GRM2: variants seen among roughly 807,000 people sequenced by gnomAD.
The protein encoded by GRM2 is glutamate metabotropic receptor 2.
Under a neutral mutation model 60.4 loss-of-function variants are expected in GRM2, and 35 were observed. That is an observed-to-expected ratio of 0.58 (90% CI 0.44 to 0.77). The LOEUF (loss-of-function observed/expected upper bound fraction) is 0.77, where lower values mean the gene tolerates loss of function less well. Among genes scored for constraint, GRM2 ranks in the 30% least tolerant of loss-of-function variants. The pLI is 0.00. For synonymous variants in GRM2, 437 were observed against 484.1 expected, an observed-to-expected ratio of 0.90 and a Z score of 1.28; for missense variants, 925 against 1,199.5, an observed-to-expected ratio of 0.77 and a Z score of 3.38.
rs116325110 is a variant in GRM2 at position 51,712,006 on chromosome 3, C to T, written c.451-467C>T. ...ACCGGACCCTGGGATCTGTGTCTTT[C>T]TTCCTAGGGGAAACTTTTCCTTCTT... is the stretch of plus-strand genomic sequence containing the variant. On this transcript the variant is annotated intron_variant, in intron 2 of 5. Transcript: ENST00000395052. This position sits in a 1 kb window ranked among gnomAD's most constrained non-coding sequence, Gnocchi z 5.3. Among the ~76,000 whole-genome samples the T allele has an allele frequency of 8.6e-4, 131 of 152,330 alleles. No individual in the cohort carries two copies. The highest frequency in any genetic ancestry group is 3.0e-3 in the African/African-American group (123 of 41,570).
Position 51,707,080 on chromosome 3 carries a change from A to C in GRM2, c.-224A>C, listed in dbSNP as rs1346869578. 9 of 152,482 alleles carry C rather than the reference A, an allele frequency of 5.9e-5. No individual in the cohort carries two copies. 9.4% of individuals were successfully genotyped at this position (152,482 alleles called of 1,614,324 possible). A position where few individuals can be genotyped will look rare whatever the true frequency, so the allele number is the denominator to read the frequency against. ...GCGGGCGGGCGGAGAGCGCAGAGCC[A>C]GCGAGCCAGCGAGCGAGCGAGCGGG... On this transcript the variant is annotated 5_prime_UTR_variant, in exon 1 of 6. Coordinates refer to ENST00000395052, the MANE Select transcript of GRM2 (RefSeq NM_000839.5).
chr3:51,714,780 G>GT, intron 3 of GRM2: 4 of 346,280 alleles, frequency 1.2e-5, no homozygotes. Context: ...GGGGATTGAT[G>GT]TGGGCATTAG....
rs1251502684 is a variant in GRM2, at chr3:51,715,072, C to T, written c.1299C>T (p.Arg433=). The T allele has an allele frequency of 6.5e-7, 1 of 1,550,034 alleles. No homozygotes were observed. Among genetic ancestry groups the T allele is most frequent in the Non-Finnish European group, 8.7e-7 (1 of 1,143,588 alleles). ...CCTCCCCCATCCTAGCCCCCTTTCG[C>T]CCAGCTGACACCCACAATGAGGTCC... is the stretch of plus-strand genomic sequence containing the variant. ...VLNVKFDAPF[R]PADTHNEVRF... Residue 433 remains arginine, a synonymous_variant, in exon 4 of 6, where the codon CGC becomes CGT. Coordinates refer to ENST00000395052, the MANE Select transcript of GRM2 (RefSeq NM_000839.5). This position sits in a 1 kb window ranked among gnomAD's most constrained non-coding sequence, Gnocchi z 9.0.
chr3:51,717,650 C>T lies in GRM2; in HGVS notation c.2378C>T (p.Thr793Ile), dbSNP rs1198164157. 6.2e-6 allele frequency: 10 copies of T among 1,613,350 alleles called. No homozygotes were observed. The Admixed American group carries it at 1.2e-4, about 19-fold the overall frequency. ...CACCCACCGCAGGTACAGACCACCA[C>T]CATGTGCGTGTCAGTCAGCCTCAGC... ...TSSDYRVQTT[T>I]MCVSVSLSGS... Residue 793 changes from threonine (T) to isoleucine (I), a missense_variant, in exon 5 of 6, where the codon ACC becomes ATC. Coordinates refer to ENST00000395052, the MANE Select transcript of GRM2 (RefSeq NM_000839.5). This position sits in a 1 kb window ranked among gnomAD's most constrained non-coding sequence, Gnocchi z 6.0.
rs1238436104 is a variant in GRM2 at position 51,715,731 on chromosome 3, A to C, written c.1958A>C (p.Lys653Thr). The C allele has an allele frequency of 6.2e-7, 1 of 1,614,146 alleles. No individual in the cohort carries two copies. The highest frequency in any genetic ancestry group is 1.7e-5 in the Admixed American group (1 of 60,030). ...GTCTGCTACTCAGCCCTGCTCACCA[A>C]GACCAACCGCATTGCACGCATCTTC... is the stretch of plus-strand genomic sequence containing the variant. ...FSVCYSALLT[K>T]TNRIARIFGG... Residue 653 changes from lysine (K) to threonine (T), a missense_variant, in exon 4 of 6, where the codon AAG becomes ACG. Transcript: ENST00000395052. This position sits in a 1 kb window ranked among gnomAD's most constrained non-coding sequence, Gnocchi z 9.0.
rs775595117 is a variant in GRM2 at position 51,709,215 on chromosome 3, C to T, written c.232C>T (p.Leu78=). Residue 78 remains leucine, a synonymous_variant, in exon 2 of 6, where the codon CTG becomes TTG. Transcript: ENST00000395052. The part of the protein sequence containing the change: ...ALDRINRDPH[L]LPGVRLGAHI... Reference sequence around the variant, plus strand: ...GGACCGCATCAACCGTGACCCGCACCTGCTGCCTGGCGTGCGCCTGGGTGC... The same window carrying T: ...GGACCGCATCAACCGTGACCCGCACTTGCTGCCTGGCGTGCGCCTGGGTGC... 5.6e-6 allele frequency: 9 copies of T among 1,609,950 alleles called. No homozygotes were observed. The highest frequency in any genetic ancestry group is 7.6e-6 in the Non-Finnish European group (9 of 1,177,916).
chr3:51,712,169 C>T lies in GRM2; in HGVS notation c.451-304C>T, dbSNP rs1703732634. Among the ~76,000 whole-genome samples the T allele has an allele frequency of 6.6e-6, 1 of 152,184 alleles. No homozygotes were observed. ...GTGTAGCCAGGTGCCAACCTCCCTC[C>T]ACCCAGGCCTTCCTTGGCCCCCCTG... On this transcript the variant is annotated intron_variant, in intron 2 of 5. Transcript: ENST00000395052. The surrounding 1 kb of genome is among the most constrained non-coding windows in gnomAD (Gnocchi z 5.3).
rs1416042891 is a variant in GRM2 at position 51,717,939 on chromosome 3, A to AGAGGG, written c.2546-90_2546-86dup. On this transcript the variant is annotated intron_variant, in intron 5 of 5. Transcript: ENST00000395052. This position sits in a 1 kb window ranked among gnomAD's most constrained non-coding sequence, Gnocchi z 6.0. ...AATGACACTGGCAGGAGAGGACAGG[A>AGAGGG]GAGGGGAGGGGAGGCTTCCCTCACA... 6.3e-6 allele frequency: 9 copies of AGAGGG among 1,430,996 alleles called. No individual in the cohort carries two copies. The African/African-American group carries it at 9.8e-5, about 16-fold the overall frequency. 88.6% of individuals were successfully genotyped at this position (1,430,996 alleles called of 1,614,324 possible). A position where few individuals can be genotyped will look rare whatever the true frequency, so the allele number is the denominator to read the frequency against.
In GRM2 at chr3:51,717,681, C is replaced by T. The variant is rs971074087; in HGVS notation, c.2409C>T (p.Ser803=). The change falls in exon 5 of 6, where the codon TCC becomes TCT. Residue 803 remains serine (S), a synonymous_variant. Coordinates refer to ENST00000395052, the MANE Select transcript of GRM2 (RefSeq NM_000839.5). The surrounding 1 kb of genome is among the most constrained non-coding windows in gnomAD (Gnocchi z 6.0). Reference sequence around the variant, plus strand: ...GCGTGTCAGTCAGCCTCAGCGGCTCCGTGGTGCTTGGCTGCCTCTTTGCGC... The same window carrying T: ...GCGTGTCAGTCAGCCTCAGCGGCTCTGTGGTGCTTGGCTGCCTCTTTGCGC... The part of the protein sequence containing the change: ...TMCVSVSLSG[S]VVLGCLFAPK... 5.6e-6 allele frequency: 9 copies of T among 1,613,982 alleles called. No individual in the cohort carries two copies. Among genetic ancestry groups the T allele is most frequent in the South Asian group, 5.5e-5 (5 of 91,068 alleles).
Position 51,709,227 on chromosome 3 carries a change from G to A in GRM2, c.244G>A (p.Val82Met), listed in dbSNP as rs1489834872. The change falls in exon 2 of 6, where the codon GTG becomes ATG. Residue 82 changes from valine (V) to methionine (M), a missense_variant. Coordinates refer to ENST00000395052, the MANE Select transcript of GRM2 (RefSeq NM_000839.5). ...INRDPHLLPGVRLGAHILDSC... is the reference protein window; with the variant it reads ...INRDPHLLPGMRLGAHILDSC... ...CCGTGACCCGCACCTGCTGCCTGGC[G>A]TGCGCCTGGGTGCACACATCCTCGA... is the stretch of plus-strand genomic sequence containing the variant. The A allele has an allele frequency of 3.7e-6, 6 of 1,607,992 alleles. No individual in the cohort carries two copies. The East Asian group carries it at 8.9e-5, about 24-fold the overall frequency.
Position 51,718,418 on chromosome 3 carries a change from C to G in GRM2, c.*306C>G. On this transcript the variant is annotated 3_prime_UTR_variant, in exon 6 of 6. Transcript: ENST00000395052. The surrounding 1 kb of genome is among the most constrained non-coding windows in gnomAD (Gnocchi z 4.2). ...CCTGGACCCGGGTGGCTGAGGACGG[C>G]AGGCCCCAGTCCTAACCAGCAAAGG... 2.5e-6 allele frequency: 1 copy of G among 407,990 alleles called. No individual in the cohort carries two copies. Among genetic ancestry groups the G allele is most frequent in the South Asian group, 2.7e-5 (1 of 36,770 alleles). The allele number at this position is 407,990 out of a possible 1,614,324, so 25.3% of individuals were successfully genotyped here.
At position 51,717,356 on chromosome 3, in the gene GRM2, C is replaced by T. The variant is rs1703939038; in HGVS notation, c.2365-281C>T. Among the ~76,000 whole-genome samples the T allele has an allele frequency of 6.6e-6, 1 of 152,154 alleles. No individual in the cohort carries two copies. Among genetic ancestry groups the T allele is most frequent in the African/African-American group, 2.4e-5 (1 of 41,404 alleles). On this transcript the variant is annotated intron_variant, in intron 4 of 5. Transcript: ENST00000395052. The surrounding 1 kb of genome is among the most constrained non-coding windows in gnomAD (Gnocchi z 6.0). Reference sequence around the variant, plus strand: ...ACACACACACCTACATGCACGCACTCCATTCCTGCAGCCCCCAGATGCACA... The same window carrying T: ...ACACACACACCTACATGCACGCACTTCATTCCTGCAGCCCCCAGATGCACA...
At chr3:51,709,530 G>A (rs1480417394) in intron 2 of GRM2, 97 bp downstream of exon 2, 2 of 853,456 alleles carry the variant, frequency 2.3e-6, no homozygotes, top group East Asian at 2.7e-5. Flanking sequence ...GCTGTGAATT[G>A]GAAGGGAAAC....
At position 51,708,881 on chromosome 3, in the gene GRM2, G is replaced by A. The variant is rs1449468874; in HGVS notation, c.-103G>A. 7.0e-5 allele frequency: 60 copies of A among 852,310 alleles called. No individual in the cohort carries two copies. Among genetic ancestry groups the A allele is most frequent in the Non-Finnish European group, 9.9e-5 (56 of 566,910 alleles). The allele number at this position is 852,310 out of a possible 1,614,324, so 52.8% of individuals were successfully genotyped here. The stretch of plus-strand genomic sequence containing the variant: ...TCCCTTCGCATCTCTCTTCTTGTCT[G>A]TCCTTTCCTGGTCCCTGTTTCCTCC... On this transcript the variant is annotated 5_prime_UTR_variant, in exon 2 of 6. Transcript: ENST00000395052.
chr3:51,709,696 CT>C (rs1470445754), intron 2 of GRM2, among the ~76,000 whole-genome samples: 6 of 8,102 alleles, frequency 7.4e-4, no homozygotes, highest in East Asian at 7.9e-3. Context: ...CCCACACACC[CT>C]CACACACACA....
chr3:51,715,313 C>T lies in GRM2; in HGVS notation c.1540C>T (p.Pro514Ser). The T allele has an allele frequency of 6.2e-7, 1 of 1,613,130 alleles. No individual in the cohort carries two copies. The part of the protein sequence containing the change: ...CLQNEVKSVQ[P>S]GEVCCWLCIP... Reference sequence around the variant, plus strand: ...CCAGAATGAGGTGAAGAGTGTGCAGCCGGGCGAAGTCTGCTGCTGGCTCTG... The same window carrying T: ...CCAGAATGAGGTGAAGAGTGTGCAGTCGGGCGAAGTCTGCTGCTGGCTCTG... The change falls in exon 4 of 6, where the codon CCG (proline) becomes TCG (serine). Residue 514 changes from proline (P) to serine (S), a missense_variant. Physicochemically the swap from Pro to Ser is moderately conservative, Grantham distance 74. Coordinates refer to ENST00000395052, the MANE Select transcript of GRM2 (RefSeq NM_000839.5). This position sits in a 1 kb window ranked among gnomAD's most constrained non-coding sequence, Gnocchi z 9.0.
Position 51,713,424 on chromosome 3 carries a change from C to CA in GRM2, c.1288+115dup, listed in dbSNP as rs1703794628. The stretch of plus-strand genomic sequence containing the variant: ...AACAGTAGAGTGAAAGTAAAGGACT[C>CA]ACCTGGGGTGGCGTCAGAGCAAGGG... On this transcript the variant is annotated intron_variant, in intron 3 of 5. Coordinates refer to ENST00000395052, the MANE Select transcript of GRM2 (RefSeq NM_000839.5). The surrounding 1 kb of genome is among the most constrained non-coding windows in gnomAD (Gnocchi z 4.8). 1 of 771,186 alleles carries CA rather than the reference C, an allele frequency of 1.3e-6. No individual in the cohort carries two copies. The highest frequency in any genetic ancestry group is 2.1e-6 in the Non-Finnish European group (1 of 479,014). The allele number at this position is 771,186 out of a possible 1,614,324, so 47.8% of individuals were successfully genotyped here. A position where few individuals can be genotyped will look rare whatever the true frequency, so the allele number is the denominator to read the frequency against.
Position 51,715,255 on chromosome 3 carries a change from C to A in GRM2, c.1482C>A (p.Pro494=), listed in dbSNP as rs758790741. The change falls in exon 4 of 6, where the codon CCC becomes CCA. Residue 494 remains proline (P), a synonymous_variant. Transcript: ENST00000395052. This position sits in a 1 kb window ranked among gnomAD's most constrained non-coding sequence, Gnocchi z 9.0. The part of the protein sequence containing the change: ...LIPWASPSAG[P]LPASRCSEPC... ...CATGGGCCTCACCCTCAGCCGGCCCCCTGCCCGCCTCTCGCTGCAGTGAGC... is the reference window on the plus strand; with the variant it reads ...CATGGGCCTCACCCTCAGCCGGCCCACTGCCCGCCTCTCGCTGCAGTGAGC... 3 of 1,609,184 alleles carry A rather than the reference C, an allele frequency of 1.9e-6. No individual in the cohort carries two copies. The highest frequency in any genetic ancestry group is 2.5e-6 in the Non-Finnish European group (3 of 1,177,028).
At chr3:51,708,089 C>G (rs1298136805) in intron 1 of GRM2, 2 of 151,854 alleles carry the variant, frequency 1.3e-5, no homozygotes, top group East Asian at 1.9e-4. Context: ...TAGAGAGTCC[C>G]GCACTCTCAC....
Sources: allele counts gnomAD v4.1 joint callset (sites outside exome capture counted in the v4.1 genomes callset), GRCh38; gene constraint gnomAD v4.1.1; non-coding constraint Gnocchi (gnomAD v3.1); transcripts MANE v1.5; gene names NCBI Gene and HGNC (gene_info 2026-07-23, HGNC 2026-07-21).